RIPK1: variants seen among roughly 807,000 people sequenced by gnomAD.
RIPK1 encodes the protein receptor interacting serine/threonine kinase 1.
A neutral mutation model predicts 62.4 loss-of-function variants in RIPK1; 27 were observed. The ratio of observed to expected loss-of-function variants is 0.43; its 90% CI spans 0.32 to 0.60. RIPK1 has a LOEUF of 0.60. Among genes scored for constraint, RIPK1 ranks in the 20% least tolerant of loss-of-function variants. The pLI is 0.07. For missense variants in RIPK1, 735 were observed against 831.0 expected, an observed-to-expected ratio of 0.88 and a Z score of 1.42; for synonymous variants, 287 against 303.2, an observed-to-expected ratio of 0.95 and a Z score of 0.55.
chr6:3,110,972 G>A lies in RIPK1; in HGVS notation c.1729+17G>A. On this transcript the variant is annotated intron_variant, in intron 10 of 10. Coordinates refer to ENST00000259808, the MANE Select transcript of RIPK1 (RefSeq NM_001354930.2). ...CTATCTTTGGTAAGATACCCTGGAAGGACTCAACGCCTAGCAACCTTGAAC... is the reference window on the plus strand; with the variant it reads ...CTATCTTTGGTAAGATACCCTGGAAAGACTCAACGCCTAGCAACCTTGAAC... 1.9e-6 allele frequency: 3 copies of A among 1,585,296 alleles called. No homozygotes were observed. Among genetic ancestry groups the A allele is most frequent in the South Asian group, 2.3e-5 (2 of 86,428 alleles).
upstream of RIPK1, among the ~76,000 whole-genome samples, chr6:3,065,726 A>G (rs970553963): frequency 6.6e-6 from 1 of 152,102 alleles, no homozygotes; most frequent in African/African-American, 2.4e-5. Flanking sequence ...CAGAGATAGT[A>G]CCAGCTCTTT....
chr6:3,082,532 C>T (rs1561753704), intron 4 of RIPK1, among the ~76,000 whole-genome samples: 1 of 152,074 alleles, frequency 6.6e-6, no homozygotes, highest in Non-Finnish European at 1.5e-5. Context: ...TCCTTTCCAC[C>T]CTATCTCCTC....
chr6:3,110,282 C>G (rs1246077294), intron 9 of RIPK1, among the ~76,000 whole-genome samples: 1 of 150,568 alleles, frequency 6.6e-6, no homozygotes, highest in African/African-American at 2.5e-5. Flanking sequence ...TCTTGGCTCA[C>G]TCTGCAAGCT....
At chr6:3,065,926 CATTTCCAACCTCCCAAGGTCACATGAT>C (rs1478280403), upstream of RIPK1, among the ~76,000 whole-genome samples, 2 of 152,238 alleles carry the variant, frequency 1.3e-5, no homozygotes, top group Non-Finnish European at 2.9e-5. Flanking sequence ...AAAAACAACG[CATTTCCAACCTCCCAAGGTCACATGAT>C]GTCTAGAGGA....
At position 3,094,060 on chromosome 6, in the gene RIPK1, C is replaced by T. The variant is rs183561307; in HGVS notation, c.915+4403C>T. Among the ~76,000 whole-genome samples the T allele has an allele frequency of 1.7e-3, 208 of 120,726 alleles. 25 individuals carry two copies. The highest frequency in any genetic ancestry group is 0.01 in the African/African-American group (186 of 18,580). The allele number at this position is 120,726 out of a possible 152,430, so 79.2% of individuals were successfully genotyped here. A position where few individuals can be genotyped will look rare whatever the true frequency, so the allele number is the denominator to read the frequency against. The stretch of plus-strand genomic sequence containing the variant: ...TAGTAACTGCAGCGCGCCTACCTGC[C>T]GCACCTAGTAACTGCAGCGCGCCTA... On this transcript the variant is annotated intron_variant, in intron 7 of 10. Transcript: ENST00000259808.
At position 3,077,983 on chromosome 6, in the gene RIPK1, C is replaced by A. The variant is rs776916773; in HGVS notation, c.321+48C>A. 21 of 1,596,706 alleles carry A rather than the reference C, an allele frequency of 1.3e-5. 2 individuals carry two copies. In the Admixed American group the frequency reaches 3.6e-4, roughly 27 times the overall value. On this transcript the variant is annotated intron_variant, in intron 3 of 10. Transcript: ENST00000259808. The stretch of plus-strand genomic sequence containing the variant: ...GGGATCCCCAGCGCTTGGGCCCTGG[C>A]TGTCTGTTATGGCTCCCCTTGGGGT...
Position 3,113,538 on chromosome 6 carries a change from G to A in RIPK1, c.*199G>A. 1.8e-6 allele frequency: 1 copy of A among 556,218 alleles called. No homozygotes were observed. The highest frequency in any genetic ancestry group is 3.1e-6 in the Non-Finnish European group (1 of 318,546). 34.5% of individuals were successfully genotyped at this position (556,218 alleles called of 1,614,324 possible). A position where few individuals can be genotyped will look rare whatever the true frequency, so the allele number is the denominator to read the frequency against. ...AGGGGTCTCACTCTGTTGCCAGGCTGGTCTCAAACTTCTGGACTCAAGTGA... is the reference window on the plus strand; with the variant it reads ...AGGGGTCTCACTCTGTTGCCAGGCTAGTCTCAAACTTCTGGACTCAAGTGA... On this transcript the variant is annotated 3_prime_UTR_variant, in exon 11 of 11. Coordinates refer to ENST00000259808, the MANE Select transcript of RIPK1 (RefSeq NM_001354930.2). The surrounding 1 kb of genome is among the most constrained non-coding windows in gnomAD (Gnocchi z 5.0).
At chr6:3,066,524 T>G (rs1210884472), upstream of RIPK1, among the ~76,000 whole-genome samples, 1 of 152,206 alleles carries the variant, frequency 6.6e-6, no homozygotes, top group African/African-American at 2.4e-5. Flanking sequence ...TTCGTCTTTT[T>G]TGATATGTGT....
intron 7 of RIPK1, 73 bp from the exon 8 acceptor site, chr6:3,104,149 ATTC>A (rs1197357292): frequency 2.4e-5 from 15 of 637,712 alleles, no homozygotes; most frequent in Non-Finnish European, 3.4e-5. Flanking sequence ...GAAAATATGA[ATTC>A]TTCTCGTTAA....
chr6:3,085,195 C>G (rs1759624040), intron 5 of RIPK1, 64 bp from the exon 6 acceptor site: 1 of 1,582,674 alleles, frequency 6.3e-7, no homozygotes, highest in East Asian at 2.2e-5. Flanking sequence ...CAGTATTGTT[C>G]AAGTTCTGTC....
chr6:3,101,302 A>C (rs1339570038), intron 7 of RIPK1, among the ~76,000 whole-genome samples: 2 of 152,112 alleles, frequency 1.3e-5, no homozygotes, highest in Admixed American at 1.3e-4. Flanking sequence ...AAAACAATAA[A>C]CATACAGCTG....
upstream of RIPK1, among the ~76,000 whole-genome samples, chr6:3,066,821 G>A (rs527744480): frequency 6.6e-6 from 1 of 152,288 alleles, no homozygotes; most frequent in African/African-American, 2.4e-5. Flanking sequence ...TTTGACAAAT[G>A]TATAGAGATG....
At chr6:3,068,154 C>T, upstream of RIPK1, 1 of 947,854 alleles carries the variant, frequency 1.1e-6, no homozygotes, top group Non-Finnish European at 1.3e-6. Context: ...AAAATAATCA[C>T]ATTTCCTCCT....
At chr6:3,089,263 G>A (rs1469561832) in intron 6 of RIPK1, among the ~76,000 whole-genome samples, 6 of 152,228 alleles carry the variant, frequency 3.9e-5, no homozygotes, top group Admixed American at 6.5e-5. Flanking sequence ...CATGGAGTTC[G>A]CCCATCCCTG....
chr6:3,079,698 T>A (rs1759276560), intron 3 of RIPK1, among the ~76,000 whole-genome samples: 1 of 152,190 alleles, frequency 6.6e-6, no homozygotes, highest in Admixed American at 6.5e-5. Flanking sequence ...CCAACAGACA[T>A]CTCACAAAAA....
chr6:3,081,427 G>T (rs1321274369), intron 4 of RIPK1, among the ~76,000 whole-genome samples: 2 of 152,150 alleles, frequency 1.3e-5, no homozygotes, highest in African/African-American at 4.8e-5. Flanking sequence ...TTCAAGGGTT[G>T]CCCTTTTCAT....
intron 6 of RIPK1, among the ~76,000 whole-genome samples, chr6:3,088,415 C>T (rs1759844975): frequency 6.6e-6 from 1 of 152,206 alleles, no homozygotes; most frequent in African/African-American, 2.4e-5. Flanking sequence ...TGACACTTCC[C>T]CAGTGGGGAA....
chr6:3,067,579 A>G, upstream of RIPK1, among the ~76,000 whole-genome samples: 1 of 147,284 alleles, frequency 6.8e-6, no homozygotes, highest in South Asian at 2.2e-4. Context: ...ACATTTTCAT[A>G]TTGTTGCATT....
intron 5 of RIPK1, among the ~76,000 whole-genome samples, chr6:3,084,981 C>T (rs1759612602): frequency 6.6e-6 from 1 of 152,202 alleles, no homozygotes; most frequent in African/African-American, 2.4e-5. Flanking sequence ...CCTGTATTTG[C>T]TTTTGCACAT....
Sources: allele counts gnomAD v4.1 joint callset (sites outside exome capture counted in the v4.1 genomes callset), GRCh38; gene constraint gnomAD v4.1.1; non-coding constraint Gnocchi (gnomAD v3.1); transcripts MANE v1.5; gene names NCBI Gene and HGNC (gene_info 2026-07-23, HGNC 2026-07-21).